The following VPS13C variants were observed in gnomAD, a reference collection of about 807,000 sequenced individuals.
VPS13C encodes intermembrane lipid transfer protein VPS13C.
A neutral mutation model predicts 456.8 loss-of-function variants in VPS13C; 358 were observed. The observed-to-expected ratio is 0.78, with a 90% CI of 0.72 to 0.86. The LOEUF (loss-of-function observed/expected upper bound fraction) is 0.86. VPS13C is among the 40% of genes least tolerant of loss of function. The pLI is 0.00. For missense variants in VPS13C, 4,818 were observed against 4,385.4 expected, an observed-to-expected ratio of 1.10 and a Z score of -2.79; for synonymous variants, 1,578 against 1,486.7, an observed-to-expected ratio of 1.06 and a Z score of -1.41.
In VPS13C at chr15:61,852,926, A is replaced by G. The variant is rs1284160690; in HGVS notation, c.*1531T>C. On this transcript the variant is annotated 3_prime_UTR_variant, in exon 85 of 85. Coordinates refer to ENST00000644861, the MANE Select transcript of VPS13C (RefSeq NM_020821.3). ...CATGAATGATGATGACAGAACCACT[A>G]TCACACATAAACAAAAATAGAGCAA... 6.6e-6 allele frequency: 1 copy of G among 152,188 alleles called. No homozygotes were observed. The highest frequency in any genetic ancestry group is 2.4e-5 in the African/African-American group (1 of 41,452). 9.4% of individuals were successfully genotyped at this position (152,188 alleles called of 1,614,324 possible).
Position 61,853,338 on chromosome 15 carries a change from T to A in VPS13C, c.*1119A>T, listed in dbSNP as rs1893742803. The A allele has an allele frequency of 6.6e-6, 1 of 152,208 alleles. No individual in the cohort carries two copies. Among genetic ancestry groups the A allele is most frequent in the African/African-American group, 2.4e-5 (1 of 41,462 alleles). The allele number at this position is 152,208 out of a possible 1,614,324, so 9.4% of individuals were successfully genotyped here. On this transcript the variant is annotated 3_prime_UTR_variant, in exon 85 of 85. Transcript: ENST00000644861. Reference sequence around the variant, plus strand: ...AACAATTTCTGGGAATATAAAAATATTGAATTTTACATATTTCAGAGTCTT... The same window carrying A: ...AACAATTTCTGGGAATATAAAAATAATGAATTTTACATATTTCAGAGTCTT...
chr15:61,959,662 GC>G (rs1299974315), intron 35 of VPS13C, 67 bp from the exon 36 acceptor site: 2 of 1,499,742 alleles, frequency 1.3e-6, no homozygotes, highest in East Asian at 4.6e-5. Flanking sequence ...TTAAAAAAAA[GC>G]AAAGTCAAGC....
intron 28 of VPS13C, 142 bp downstream of exon 28, chr15:61,969,157 G>C (rs2045470042): frequency 5.3e-6 from 3 of 563,140 alleles, no homozygotes. Context: ...CTGCTATAAG[G>C]ATTAAATGAG....
At position 62,023,862 on chromosome 15, in the gene VPS13C, T is replaced by C. The variant is rs2047546893; in HGVS notation, c.449-17A>G. The C allele has an allele frequency of 1.2e-6, 2 of 1,602,962 alleles. No individual in the cohort carries two copies. Among genetic ancestry groups the C allele is most frequent in the Non-Finnish European group, 1.7e-6 (2 of 1,173,590 alleles). ...GTTTACGTCCTTCACAGTGGAAGCA[T>C]TTTAGTGAGAAAAGGATAAGATTCA... On this transcript the variant is annotated splice_polypyrimidine_tract_variant and intron_variant, in intron 6 of 84. Coordinates refer to ENST00000644861, the MANE Select transcript of VPS13C (RefSeq NM_020821.3).
chr15:61,995,649 C>A (rs374491161), intron 16 of VPS13C, among the ~76,000 whole-genome samples: 6 of 152,206 alleles, frequency 3.9e-5, no homozygotes, highest in African/African-American at 1.4e-4. Context: ...AAGCTGAGGG[C>A]AGCTCTAGCC....
chr15:61,865,590 GTGTGTATATATGTA>G (rs1291424575), intron 81 of VPS13C: 49 of 650,738 alleles, frequency 7.5e-5, no homozygotes, highest in South Asian at 5.5e-4. Context: ...GTGTATATGT[GTGTGTATATATGTA>G]TGTGTATATA....
At chr15:61,931,971 G>A (rs1310456832) in intron 49 of VPS13C, among the ~76,000 whole-genome samples, 1 of 152,172 alleles carries the variant, frequency 6.6e-6, no homozygotes, top group Non-Finnish European at 1.5e-5. Context: ...GGTAGATGAT[G>A]TGAATGAGCA....
Position 61,912,799 on chromosome 15 carries a change from C to G in VPS13C, c.8550+512G>C, listed in dbSNP as rs1204217617. On this transcript the variant is annotated intron_variant, in intron 62 of 84. Coordinates refer to ENST00000644861, the MANE Select transcript of VPS13C (RefSeq NM_020821.3). The stretch of plus-strand genomic sequence containing the variant: ...TAATGCTATCCCTCCCCCCTCCCCC[C>G]ACCCCAAAACAGTCCCCAGAGTGTG... Among the ~76,000 whole-genome samples the G allele has an allele frequency of 9.6e-5, 11 of 114,608 alleles. 1 individual carries two copies. The highest frequency in any genetic ancestry group is 7.7e-4 in the Admixed American group (8 of 10,448). 75.2% of individuals were successfully genotyped at this position (114,608 alleles called of 152,430 possible).
intron 6 of VPS13C, 38 bp from the exon 7 acceptor site, chr15:62,023,883 A>G: frequency 6.3e-7 from 1 of 1,580,952 alleles, no homozygotes; most frequent in Non-Finnish European, 8.6e-7. Context: ...AAAGGATAAG[A>G]TTCAAGTTAG....
intron 3 of VPS13C, among the ~76,000 whole-genome samples, chr15:62,036,953 C>T (rs1305395130): frequency 6.7e-6 from 1 of 150,062 alleles, no homozygotes; most frequent in Non-Finnish European, 1.5e-5. Context: ...AATATTTTAA[C>T]CTAAGGAGAA....
rs990891853 is a variant in VPS13C, at chr15:62,034,837, T to C, written c.283+120A>G. On this transcript the variant is annotated intron_variant, in intron 4 of 84. Transcript: ENST00000644861. ...GTATGCATATAAGTGCATCTATGTA[T>C]GATTCATTTATTTAAATTACCTTCT... 3.1e-5 allele frequency: 19 copies of C among 607,142 alleles called. No homozygotes were observed. The African/African-American group carries it at 3.4e-4, about 11-fold the overall frequency. 37.6% of individuals were successfully genotyped at this position (607,142 alleles called of 1,614,324 possible). A position where few individuals can be genotyped will look rare whatever the true frequency, so the allele number is the denominator to read the frequency against.
rs1171195351 is a variant in VPS13C, at chr15:61,868,789, G to C, written c.10749-16C>G. 1.9e-6 allele frequency: 3 copies of C among 1,597,720 alleles called. No homozygotes were observed. Among genetic ancestry groups the C allele is most frequent in the South Asian group, 2.3e-5 (2 of 88,748 alleles). ...TTCTGCTGCCCTGAATAAGGCATCA[G>C]AGTAAGTGTAAGAAAATACGTGAGA... On this transcript the variant is annotated splice_polypyrimidine_tract_variant and intron_variant, in intron 80 of 84. Transcript: ENST00000644861.
chr15:61,966,639 A>C (rs947453572), intron 29 of VPS13C, among the ~76,000 whole-genome samples: 1 of 151,948 alleles, frequency 6.6e-6, no homozygotes, highest in African/African-American at 2.4e-5. Context: ...GAACATAAAC[A>C]AATTCAAACT....
In VPS13C at chr15:61,920,583, T is replaced by A; in HGVS notation, c.7127A>T (p.Gln2376Leu). 1.3e-6 allele frequency: 2 copies of A among 1,593,492 alleles called. No homozygotes were observed. Among genetic ancestry groups the A allele is most frequent in the Non-Finnish European group, 1.7e-6 (2 of 1,174,242 alleles). ...LPGDDFIPEP[Q>L]MAIHISSGNT... ...TCCTGAAGAAATATGAATTGCCATTTGTGGCTCAGGAATAAAATCATCTCC... is the reference window on the plus strand; with the variant it reads ...TCCTGAAGAAATATGAATTGCCATTAGTGGCTCAGGAATAAAATCATCTCC... Residue 2376 changes from glutamine to leucine, a missense_variant, in exon 56 of 85, where the codon CAA becomes CTA. Gln to Leu is a moderately radical substitution (Grantham distance 113). Transcript: ENST00000644861.
chr15:61,978,876 T>C, intron 22 of VPS13C, 127 bp from the exon 23 acceptor site: 1 of 789,626 alleles, frequency 1.3e-6, no homozygotes, highest in Admixed American at 3.5e-5. Flanking sequence ...ATACTGCTCT[T>C]AATGAATAAA....
At chr15:61,923,332 G>C (rs149510473) in intron 53 of VPS13C, among the ~76,000 whole-genome samples, 1 of 152,158 alleles carries the variant, frequency 6.6e-6, no homozygotes, top group African/African-American at 2.4e-5. Context: ...TCTTTGGACA[G>C]TGCCTTTCTT....
At chr15:61,988,391 A>C (rs1259032184) in intron 18 of VPS13C, among the ~76,000 whole-genome samples, 2 of 152,226 alleles carry the variant, frequency 1.3e-5, no homozygotes, top group Non-Finnish European at 1.5e-5. Context: ...TACCAATCCA[A>C]CAAAAGATGT....
intron 55 of VPS13C, among the ~76,000 whole-genome samples, chr15:61,920,914 C>G (rs2043633704): frequency 6.6e-6 from 1 of 152,066 alleles, no homozygotes; most frequent in Non-Finnish European, 1.5e-5. Context: ...ATGCATTCCT[C>G]AGAGCATAGC....
chr15:61,878,685 A>G lies in VPS13C; in HGVS notation c.10064T>C (p.Met3355Thr). 1 of 1,611,764 alleles carries G rather than the reference A, an allele frequency of 6.2e-7. No individual in the cohort carries two copies. The highest frequency in any genetic ancestry group is 8.5e-7 in the Non-Finnish European group (1 of 1,178,868). ...GEESDKEKQEMFAVHSVNLLL... is the reference protein window; with the variant it reads ...GEESDKEKQETFAVHSVNLLL... ...CAAGTTGACAGAATGAACTGCAAAC[A>G]TTTCCTGTTTTTCTTTGTCTGATTC... The change falls in exon 74 of 85, where the codon ATG becomes ACG. Residue 3355 changes from methionine (M) to threonine (T), a missense_variant. Physicochemically the swap from Met to Thr is moderately conservative, Grantham distance 81. This residue lies in a region of VPS13C where 4,552 missense variants were observed against 4,130.6 expected (regional missense o/e 1.10). Coordinates refer to ENST00000644861, the MANE Select transcript of VPS13C (RefSeq NM_020821.3).
Sources: allele counts gnomAD v4.1 joint callset (sites outside exome capture counted in the v4.1 genomes callset), GRCh38; gene constraint gnomAD v4.1.1; regional missense constraint gnomAD v4.1.1; transcripts MANE v1.5; gene names NCBI Gene and HGNC (gene_info 2026-07-23, HGNC 2026-07-21).